The following TMEM200A variants were observed in gnomAD, a reference collection of about 807,000 sequenced individuals.
TMEM200A encodes the protein transmembrane protein 200A.
TMEM200A carries 12 observed loss-of-function variants against 24.3 expected under a neutral mutation model. That is an observed-to-expected ratio of 0.49 (90% CI 0.32 to 0.80). TMEM200A has a LOEUF of 0.80. TMEM200A is among the 30% of genes least tolerant of loss of function. The pLI is 0.04. For missense variants in TMEM200A, 545 were observed against 614.4 expected, an observed-to-expected ratio of 0.89 and a Z score of 1.19; for synonymous variants, 224 against 224.4, an observed-to-expected ratio of 1.00 and a Z score of 0.02.
upstream of TMEM200A, chr6:130,365,709 G>A: frequency 2.0e-6 from 2 of 985,514 alleles, no homozygotes; most frequent in Non-Finnish European, 2.4e-6. Flanking sequence ...CCCGGGAAGA[G>A]CGCCTGCAAG....
At chr6:130,391,512 C>T (rs944882246) in intron 2 of TMEM200A, among the ~76,000 whole-genome samples, 21 of 152,056 alleles carry the variant, frequency 1.4e-4, no homozygotes, top group South Asian at 2.1e-4. Context: ...CTCTCTCTCC[C>T]GCTCTCTCTT....
chr6:130,391,974 A>C lies in TMEM200A; in HGVS notation c.-17+6738A>C, dbSNP rs141704717. 8.5e-3 allele frequency among the ~76,000 whole-genome samples: 1,288 copies of C among 152,078 alleles called. 9 individuals carry two copies. The highest frequency in any genetic ancestry group is 0.014 in the Middle Eastern group (4 of 292). On this transcript the variant is annotated intron_variant, in intron 2 of 2. Transcript: ENST00000296978. ...TAGCCAGGATGGTCTCGATCTCCTG[A>C]CCTCGTGATCCTCCTGCCTTGGCCT...
chr6:130,415,199 G>A (rs1250990633), intron 2 of TMEM200A, among the ~76,000 whole-genome samples: 1 of 152,104 alleles, frequency 6.6e-6, no homozygotes, highest in African/African-American at 2.4e-5. Context: ...GAGGAACAGA[G>A]GGCAAGCAGG....
At chr6:130,417,872 G>A (rs936205406) in intron 2 of TMEM200A, among the ~76,000 whole-genome samples, 1 of 151,740 alleles carries the variant, frequency 6.6e-6, no homozygotes, top group Non-Finnish European at 1.5e-5. Flanking sequence ...AAACTCCAAC[G>A]CATATGTATA....
At chr6:130,403,995 G>A (rs1779148613) in intron 2 of TMEM200A, among the ~76,000 whole-genome samples, 1 of 152,150 alleles carries the variant, frequency 6.6e-6, no homozygotes, top group Non-Finnish European at 1.5e-5. Context: ...CCCTGCAAAG[G>A]ATGTGATCCT....
At chr6:130,438,054 G>A (rs1351158577) in intron 2 of TMEM200A, 2 of 152,086 alleles carry the variant, frequency 1.3e-5, no homozygotes, top group Non-Finnish European at 2.9e-5. Flanking sequence ...GAAATAACTG[G>A]GCTAGAGGGC....
chr6:130,366,402 C>T lies in TMEM200A; in HGVS notation c.-203C>T. ...CGGCCGAGATTCCCGCTGACGCCCC[C>T]GACCCTGCCGCCTTCTTCGTCCGCC... On this transcript the variant is annotated 5_prime_UTR_variant, in exon 1 of 3. Coordinates refer to ENST00000296978, the MANE Select transcript of TMEM200A (RefSeq NM_001258277.2). This position sits in a 1 kb window ranked among gnomAD's most constrained non-coding sequence, Gnocchi z 4.4. The T allele has an allele frequency of 1.0e-6, 1 of 985,550 alleles. No individual in the cohort carries two copies. The highest frequency in any genetic ancestry group is 4.7e-5 in the South Asian group (1 of 21,294). 61.1% of individuals were successfully genotyped at this position (985,550 alleles called of 1,614,324 possible).
At chr6:130,424,765 A>G (rs984383340) in intron 2 of TMEM200A, among the ~76,000 whole-genome samples, 1 of 152,064 alleles carries the variant, frequency 6.6e-6, no homozygotes, top group African/African-American at 2.4e-5. Flanking sequence ...AGTAAAACCT[A>G]GAGATGTTAC....
intron 2 of TMEM200A, among the ~76,000 whole-genome samples, chr6:130,388,893 A>G (rs1434004518): frequency 1.3e-5 from 2 of 152,236 alleles, no homozygotes; most frequent in Non-Finnish European, 2.9e-5. Context: ...AATAATTTTA[A>G]CACTAATTAG....
intron 2 of TMEM200A, among the ~76,000 whole-genome samples, chr6:130,405,854 A>G (rs1779199395): frequency 6.6e-6 from 1 of 152,174 alleles, no homozygotes; most frequent in Non-Finnish European, 1.5e-5. Context: ...GACACTGCAC[A>G]TGCTTAACAC....
chr6:130,433,658 T>C (rs1415906285), intron 2 of TMEM200A, among the ~76,000 whole-genome samples: 1 of 152,232 alleles, frequency 6.6e-6, no homozygotes, highest in Non-Finnish European at 1.5e-5. Context: ...ATGGGGTTTT[T>C]ATATAATGTT....
chr6:130,370,818 A>C (rs1778304865), intron 1 of TMEM200A, among the ~76,000 whole-genome samples: 1 of 152,124 alleles, frequency 6.6e-6, no homozygotes, highest in Non-Finnish European at 1.5e-5. Context: ...TTGTTTCCAA[A>C]AGCCCTGCCC....
chr6:130,386,605 C>T (rs565671931), intron 2 of TMEM200A, among the ~76,000 whole-genome samples: 1 of 152,070 alleles, frequency 6.6e-6, no homozygotes, highest in Middle Eastern at 3.4e-3. Flanking sequence ...TGTTCCAGTC[C>T]TTACCCTTTT....
At position 130,409,045 on chromosome 6, in the gene TMEM200A, G is replaced by A. The variant is rs185840379; in HGVS notation, c.-17+23809G>A. Reference sequence around the variant, plus strand: ...GGCACTCCTCTAATGGGCAGTCCTTGTTTGATACTTTCTCAGAGCCACATG... The same window carrying A: ...GGCACTCCTCTAATGGGCAGTCCTTATTTGATACTTTCTCAGAGCCACATG... On this transcript the variant is annotated intron_variant, in intron 2 of 2. Transcript: ENST00000296978. Among the ~76,000 whole-genome samples the A allele has an allele frequency of 5.9e-5, 9 of 152,292 alleles. 1 individual carries two copies. Among genetic ancestry groups the A allele is most frequent in the Admixed American group, 3.3e-4 (5 of 15,302 alleles).
chr6:130,413,998 T>C (rs1455499236), intron 2 of TMEM200A, among the ~76,000 whole-genome samples: 1 of 152,208 alleles, frequency 6.6e-6, no homozygotes, highest in Non-Finnish European at 1.5e-5. Context: ...AGAGTATTAT[T>C]TATTTTTTAC....
chr6:130,439,790 A>AG (rs1372676163), intron 2 of TMEM200A, among the ~76,000 whole-genome samples: 5 of 152,016 alleles, frequency 3.3e-5, no homozygotes, highest in African/African-American at 1.2e-4. Flanking sequence ...TGGAGAAAGG[A>AG]GGGGCAGTAA....
chr6:130,378,722 CAAAA>C (rs56819618), intron 1 of TMEM200A, among the ~76,000 whole-genome samples: 1 of 56,362 alleles, frequency 1.8e-5, no homozygotes, highest in East Asian at 6.7e-4. Flanking sequence ...GACTCCGTCT[CAAAA>C]AAAAAAAAAA....
rs534616975 is a variant in TMEM200A, at chr6:130,392,036, C to T, written c.-17+6800C>T. Among the ~76,000 whole-genome samples, 248 of 152,294 alleles carry T rather than the reference C, an allele frequency of 1.6e-3. 1 individual carries two copies. The highest frequency in any genetic ancestry group is 5.7e-3 in the African/African-American group (236 of 41,562). ...GGGATTACAGGCGTGAGCCACCACA[C>T]ACGGCCAAGATTCTTTATCCCAGGG... On this transcript the variant is annotated intron_variant, in intron 2 of 2. Transcript: ENST00000296978.
chr6:130,382,511 C>T (rs989174602), intron 1 of TMEM200A, among the ~76,000 whole-genome samples: 2 of 152,168 alleles, frequency 1.3e-5, no homozygotes, highest in African/African-American at 2.4e-5. Context: ...GTTGCACCTT[C>T]CAGCACCTTC....
Sources: gnomAD v4.1 joint callset for allele counts (sites outside exome capture counted in the v4.1 genomes callset) on GRCh38, gnomAD v4.1.1 for gene constraint, Gnocchi (gnomAD v3.1) non-coding constraint, MANE v1.5 for transcripts, NCBI Gene and HGNC (gene_info 2026-07-23, HGNC 2026-07-21) for gene names.